The following COL24A1 variants were observed in gnomAD, a reference collection of about 807,000 sequenced individuals.
COL24A1 encodes the protein collagen type XXIV alpha 1 chain.
Under a neutral mutation model 253.9 loss-of-function variants are expected in COL24A1, and 224 were observed. That is an observed-to-expected ratio of 0.88 (90% CI 0.79 to 0.99). COL24A1 has a LOEUF of 0.99. Ranked by LOEUF, COL24A1 falls within the 50% of genes least tolerant of loss-of-function variation. COL24A1 has a pLI of 0.00. For synonymous variants in COL24A1, 685 were observed against 673.7 expected (o/e 1.02, Z -0.26); for missense variants, 2,131 against 2,068.5 (o/e 1.03, Z -0.59).
chr1:86,092,809 A>G (rs1260395192), intron 5 of COL24A1, among the ~76,000 whole-genome samples: 2 of 151,994 alleles, frequency 1.3e-5, no homozygotes, highest in Non-Finnish European at 2.9e-5. Context: ...CATAAAAAAG[A>G]TACCTCTAAT....
At chr1:85,886,963 G>T (rs1028619712) in intron 32 of COL24A1, among the ~76,000 whole-genome samples, 1 of 152,106 alleles carries the variant, frequency 6.6e-6, no homozygotes, top group South Asian at 2.1e-4. Flanking sequence ...TTCCGAGACT[G>T]TTGCCACTTT....
intron 4 of COL24A1, 48 bp downstream of exon 4, chr1:86,115,277 A>T (rs753724214): frequency 6.3e-7 from 1 of 1,583,304 alleles, no homozygotes; most frequent in South Asian, 1.1e-5. Flanking sequence ...ACATGTTAGA[A>T]AGTTACAAAT....
At chr1:85,825,617 T>G (rs1202654453) in intron 43 of COL24A1, among the ~76,000 whole-genome samples, 2 of 151,056 alleles carry the variant, frequency 1.3e-5, no homozygotes, top group Non-Finnish European at 2.9e-5. Flanking sequence ...ATTGCCATTC[T>G]AACTGGTGTG....
At chr1:86,034,200 T>TA (rs957522594) in intron 12 of COL24A1, among the ~76,000 whole-genome samples, 21 of 151,996 alleles carry the variant, frequency 1.4e-4, no homozygotes, top group African/African-American at 4.3e-4. Flanking sequence ...TCATCATACA[T>TA]AAAAAATCAC....
At chr1:85,864,148 C>T (rs1679502073) in intron 37 of COL24A1, among the ~76,000 whole-genome samples, 1 of 152,092 alleles carries the variant, frequency 6.6e-6, no homozygotes, top group African/African-American at 2.4e-5. Flanking sequence ...TTGGAACCAA[C>T]CCAAATGTCC....
At chr1:85,783,438 A>G in intron 51 of COL24A1, 58 bp downstream of exon 51, 1 of 1,413,174 alleles carries the variant, frequency 7.1e-7, no homozygotes, top group Non-Finnish European at 1.0e-6. Context: ...AGAGCTCTTA[A>G]GCCCTGCAGT....
chr1:86,055,736 TAA>T (rs1464536377), intron 10 of COL24A1, among the ~76,000 whole-genome samples: 1 of 152,150 alleles, frequency 6.6e-6, no homozygotes, highest in Admixed American at 6.5e-5. Flanking sequence ...ACCTGAAAAG[TAA>T]GTTTCATCAT....
chr1:85,736,104 G>T, intron 58 of COL24A1: 1 of 313,630 alleles, frequency 3.2e-6, no homozygotes, highest in Non-Finnish European at 6.3e-6. Flanking sequence ...CACTAATCTG[G>T]CATGGTTGTT....
Position 86,097,039 on chromosome 1 carries a change from G to A in COL24A1, c.1600-4719C>T, listed in dbSNP as rs112778051. On this transcript the variant is annotated intron_variant, in intron 5 of 59. Coordinates refer to ENST00000370571, the MANE Select transcript of COL24A1 (RefSeq NM_152890.7). ...ATTCTTTCACCAGGCTATCACTGAC[G>A]CTCTGTTTTTCCTGCATTATTTTAA... 5.5e-3 allele frequency among the ~76,000 whole-genome samples: 841 copies of A among 152,158 alleles called. 7 individuals carry two copies. Among genetic ancestry groups the A allele is most frequent in the African/African-American group, 0.019 (795 of 41,516 alleles).
At chr1:86,100,452 A>G (rs1239799096) in intron 5 of COL24A1, among the ~76,000 whole-genome samples, 1 of 152,130 alleles carries the variant, frequency 6.6e-6, no homozygotes, top group Non-Finnish European at 1.5e-5. Context: ...ATTTTTTAAA[A>G]TAATGATGTG....
intron 47 of COL24A1, among the ~76,000 whole-genome samples, chr1:85,812,982 G>A (rs1672696077): frequency 6.6e-6 from 1 of 152,146 alleles, no homozygotes; most frequent in Non-Finnish European, 1.5e-5. Context: ...TCTCACAGGG[G>A]TAGATACCTA....
At chr1:85,977,883 T>C (rs1240058227) in intron 20 of COL24A1, among the ~76,000 whole-genome samples, 1 of 152,204 alleles carries the variant, frequency 6.6e-6, no homozygotes, top group East Asian at 1.9e-4. Flanking sequence ...AAAGAACAGC[T>C]GGGAAATTCA....
At position 85,856,649 on chromosome 1, in the gene COL24A1, TC is replaced by T. The variant is rs1286057743; in HGVS notation, c.3301-7244del. ...CGCGTCCAAAACCAAAGTCTCTAAA[TC>T]CCTCCTCCTAACCCTAAACTGCTTT... On this transcript the variant is annotated intron_variant, in intron 37 of 59. Coordinates refer to ENST00000370571, the MANE Select transcript of COL24A1 (RefSeq NM_152890.7). Among the ~76,000 whole-genome samples the T allele has an allele frequency of 1.5e-3, 230 of 152,210 alleles. 3 individuals are homozygous for T. Among genetic ancestry groups the T allele is most frequent in the Non-Finnish European group, 2.9e-4 (20 of 67,992 alleles).
intron 14 of COL24A1, among the ~76,000 whole-genome samples, chr1:86,030,750 CTT>C (rs10708970): frequency 5.2e-4 from 74 of 142,938 alleles, no homozygotes; most frequent in Admixed American, 6.2e-4. Flanking sequence ...TTTTTTCTTT[CTT>C]TTTTTTTTTT....
At chr1:85,845,460 C>T (rs540303818) in intron 39 of COL24A1, among the ~76,000 whole-genome samples, 2 of 151,822 alleles carry the variant, frequency 1.3e-5, no homozygotes, top group African/African-American at 2.4e-5. Flanking sequence ...GTAAACAACA[C>T]TTGATATTAT....
At chr1:86,082,219 AC>A (rs1346730657) in intron 7 of COL24A1, among the ~76,000 whole-genome samples, 3 of 152,168 alleles carry the variant, frequency 2.0e-5, no homozygotes, top group African/African-American at 4.8e-5. Context: ...GTACCTCTCT[AC>A]TACATAATAA....
At chr1:86,112,730 T>C in intron 4 of COL24A1, 110 bp from the exon 5 acceptor site, 1 of 995,218 alleles carries the variant, frequency 1.0e-6, no homozygotes, top group Non-Finnish European at 1.5e-6. Flanking sequence ...CTTGAGTTTT[T>C]GCTTATGTTA....
At chr1:86,001,795 A>T (rs964846212) in intron 19 of COL24A1, among the ~76,000 whole-genome samples, 2 of 152,134 alleles carry the variant, frequency 1.3e-5, no homozygotes, top group Admixed American at 1.3e-4. Flanking sequence ...GAGCCTCAGG[A>T]AAAAAAGTTC....
chr1:86,134,618 T>G (rs80348436), intron 2 of COL24A1, among the ~76,000 whole-genome samples: 7 of 150,124 alleles, frequency 4.7e-5, no homozygotes, highest in Admixed American at 3.3e-4. Context: ...CCAGTAGTCA[T>G]TCAGGAGCAG....
Sources: allele counts gnomAD v4.1 joint callset (sites outside exome capture counted in the v4.1 genomes callset), GRCh38; gene constraint gnomAD v4.1.1; transcripts MANE v1.5; gene names NCBI Gene and HGNC (gene_info 2026-07-23, HGNC 2026-07-21).